RAD52: variants seen among roughly 807,000 people sequenced by gnomAD.
RAD52 encodes RAD52 DNA repair protein, also known as DNA repair protein RAD52 homolog.
RAD52 carries 47 observed loss-of-function variants against 55.5 expected under a neutral mutation model. The ratio of observed to expected loss-of-function variants is 0.85; its 90% CI spans 0.67 to 1.08. The LOEUF is 1.08. Ranked by LOEUF, RAD52 falls within the 50% of genes least tolerant of loss-of-function variation. The pLI, the probability that RAD52 is intolerant of heterozygous loss-of-function variation, is 0.00. For missense variants in RAD52, 468 were observed against 522.8 expected (o/e 0.90, Z 1.02); for synonymous variants, 184 against 198.9 (o/e 0.92, Z 0.63).
chr12:973,100 C>T lies in RAD52; in HGVS notation c.-19+16709G>A, dbSNP rs184228191. ...CTTTTCTTTTTTTGAGACGGAGTCT[C>T]GCTCTGTCGCCCAGGCTGGAGTGCA... On this transcript the variant is annotated intron_variant, in intron 1 of 11. Coordinates refer to the RAD52 transcript ENST00000430095. Among the ~76,000 whole-genome samples, 976 of 152,280 alleles carry T rather than the reference C, an allele frequency of 6.4e-3. 7 individuals are homozygous for T. The highest frequency in any genetic ancestry group is 0.022 in the African/African-American group (927 of 41,558).
intron 7 of RAD52, among the ~76,000 whole-genome samples, chr12:919,404 A>G (rs529700894): frequency 1.3e-5 from 2 of 151,478 alleles, no homozygotes; most frequent in Non-Finnish European, 2.9e-5. Context: ...ACAACATTGC[A>G]CTCCAGCCTC....
intron 7 of RAD52, among the ~76,000 whole-genome samples, chr12:923,133 T>C (rs4766373): frequency 0.41 from 62,417 of 151,618 alleles, 13,381 homozygotes; most frequent in African/African-American, 0.51. Flanking sequence ...GCTAGGATTA[T>C]AGGCAGGAGC....
At chr12:921,344 C>T (rs1285120701) in intron 7 of RAD52, among the ~76,000 whole-genome samples, 1 of 152,180 alleles carries the variant, frequency 6.6e-6, no homozygotes, top group South Asian at 2.1e-4. Context: ...GGGTTTCTCA[C>T]GCCTGTTATC....
intron 1 of RAD52, among the ~76,000 whole-genome samples, chr12:978,890 G>GTAGGTAGATAGA (rs1555183684): frequency 3.3e-5 from 5 of 149,410 alleles, no homozygotes; most frequent in Admixed American, 6.7e-5. Context: ...TAGATGATAG[G>GTAGGTAGATAGA]TAGATAGATA....
intron 1 of RAD52, among the ~76,000 whole-genome samples, chr12:937,597 TG>T (rs1331247133): frequency 6.6e-6 from 1 of 152,162 alleles, no homozygotes; most frequent in African/African-American, 2.4e-5. Flanking sequence ...GGCTAATTTT[TG>T]TATTTTTAGT....
chr12:923,624 A>C (rs1956857078), intron 7 of RAD52, among the ~76,000 whole-genome samples: 1 of 152,028 alleles, frequency 6.6e-6, no homozygotes, highest in Admixed American at 6.6e-5. Flanking sequence ...GGGTCTGGGA[A>C]AGGGGGAAAT....
intron 7 of RAD52, among the ~76,000 whole-genome samples, chr12:919,658 C>G (rs12423292): frequency 0.19 from 16,687 of 85,718 alleles, 2,616 homozygotes; most frequent in Middle Eastern, 0.31. Context: ...GGCTGAGGCA[C>G]GAGAATCGCT....
intron 1 of RAD52, chr12:974,461 T>C (rs1046121507): frequency 3.3e-5 from 5 of 152,232 alleles, no homozygotes; most frequent in Non-Finnish European, 5.9e-5. Context: ...AATGTGATGA[T>C]TGGTGGTGTG....
At chr12:916,214 A>G in intron 9 of RAD52, 130 bp downstream of exon 9, 1 of 1,477,588 alleles carries the variant, frequency 6.8e-7, no homozygotes, top group Non-Finnish European at 8.9e-7. Context: ...TCCTGCGTGT[A>G]GCTTGAGAGA....
At chr12:964,214 T>C (rs1958726017) in intron 1 of RAD52, among the ~76,000 whole-genome samples, 1 of 152,100 alleles carries the variant, frequency 6.6e-6, no homozygotes, top group South Asian at 2.1e-4. Flanking sequence ...ATGTAAGTTT[T>C]AAGAGGATTT....
rs200457798 is a variant in RAD52, at chr12:929,927, C to T, written c.281-41G>A. The T allele has an allele frequency of 5.8e-5, 93 of 1,589,818 alleles. No individual in the cohort carries two copies. The African/African-American group carries it at 6.1e-4, about 10-fold the overall frequency. ...AGAGCAAGTTGAAGAGGACACTGAC[C>T]GCTGGGCCACAACCATTCCTCCTGC... On this transcript the variant is annotated intron_variant, in intron 4 of 11. Coordinates refer to ENST00000358495, the MANE Select transcript of RAD52 (RefSeq NM_134424.4).
Position 914,463 on chromosome 12 carries a change from T to C in RAD52, c.935A>G (p.Asp312Gly), listed in dbSNP as rs1347655541. Reference sequence around the variant, plus strand: ...TTCTTGAGTCACTCCTGCAAGGAAGTCTTTCTCCAGGAGTGGTTCTGAGAC... The same window carrying C: ...TTCTTGAGTCACTCCTGCAAGGAAGCCTTTCTCCAGGAGTGGTTCTGAGAC... ...VTVSEPLLEK[D>G]FLAGVTQELI... Residue 312 changes from aspartate (D) to glycine (G), a missense_variant, in exon 10 of 12, where the codon GAC becomes GGC. By Grantham distance (94) the Asp-to-Gly change is moderately conservative. Transcript: ENST00000358495. 1 of 1,613,568 alleles carries C rather than the reference T, an allele frequency of 6.2e-7. No homozygotes were observed. The highest frequency in any genetic ancestry group is 8.5e-7 in the Non-Finnish European group (1 of 1,179,820).
Position 948,589 on chromosome 12 carries a change from C to T in RAD52, c.-19+1013G>A, listed in dbSNP as rs1958386076. Among the ~76,000 whole-genome samples the T allele has an allele frequency of 3.3e-5, 5 of 152,132 alleles. No homozygotes were observed. In the South Asian group the frequency reaches 1.0e-3, roughly 32 times the overall value. ...CAAAGAATCGCTTGAACCCAGGAGG[C>T]GGACGTTGCAGTGAGCCGAGACGGC... On this transcript the variant is annotated intron_variant, in intron 1 of 11. Transcript: ENST00000358495.
chr12:969,596 G>A (rs1278239285), intron 1 of RAD52, among the ~76,000 whole-genome samples: 1 of 151,616 alleles, frequency 6.6e-6, no homozygotes, highest in African/African-American at 2.4e-5. Flanking sequence ...AGACCAGCCT[G>A]GGCAACACAG....
chr12:988,645 G>A (rs1959121013), intron 1 of RAD52, among the ~76,000 whole-genome samples: 1 of 152,198 alleles, frequency 6.6e-6, no homozygotes, highest in Non-Finnish European at 1.5e-5. Context: ...TCAAGACATG[G>A]CGGAGAAGGT....
At chr12:950,255 T>C (rs1189631900), upstream of RAD52, among the ~76,000 whole-genome samples, 2 of 152,092 alleles carry the variant, frequency 1.3e-5, no homozygotes, top group Non-Finnish European at 2.9e-5. Context: ...GAAGTGCGGC[T>C]TGGGGGGCGA....
chr12:963,946 C>T (rs1958721941), intron 1 of RAD52, among the ~76,000 whole-genome samples: 1 of 151,986 alleles, frequency 6.6e-6, no homozygotes, highest in Non-Finnish European at 1.5e-5. Context: ...TTGCAAATAA[C>T]TGAATGAAAT....
intron 1 of RAD52, among the ~76,000 whole-genome samples, chr12:934,999 C>T (rs1184695589): frequency 6.6e-6 from 1 of 152,044 alleles, no homozygotes; most frequent in African/African-American, 2.4e-5. Context: ...CCTGTAGTCC[C>T]AGCTACTCGG....
Position 914,052 on chromosome 12 carries a change from G to A in RAD52, c.1037C>T (p.Ser346Leu), listed in dbSNP as rs4987207. ...GGTCTGGGCTGGGTCTGCTCTAGAC[G>A]AGGGCTTGACCACACCATCCCCTGC... Reference protein sequence around the residue: ...PDAGDGVVKPSSRADPAQTSD... With the variant: ...PDAGDGVVKPLSRADPAQTSD... The change falls in exon 11 of 12, where the codon TCG becomes TTG. Residue 346 changes from serine (S) to leucine (L), a missense_variant. Coordinates refer to ENST00000358495, the MANE Select transcript of RAD52 (RefSeq NM_134424.4). 5.0e-6 allele frequency: 8 copies of A among 1,614,128 alleles called. No homozygotes were observed. Among genetic ancestry groups the A allele is most frequent in the Non-Finnish European group, 6.8e-6 (8 of 1,180,020 alleles).
Sources: allele counts gnomAD v4.1 joint callset (sites outside exome capture counted in the v4.1 genomes callset), GRCh38; gene constraint gnomAD v4.1.1; transcripts MANE v1.5; gene names NCBI Gene and HGNC (gene_info 2026-07-23, HGNC 2026-07-21).